The following PLCL1 variants were observed in gnomAD, a reference collection of about 807,000 sequenced individuals.
PLCL1 encodes phospholipase C like 1 (inactive).
PLCL1 carries 41 observed loss-of-function variants against 84.4 expected under a neutral mutation model. The observed-to-expected ratio is 0.49, with a 90% confidence interval of 0.38 to 0.63. The LOEUF (loss-of-function observed/expected upper bound fraction) is 0.63, where lower values mean the gene tolerates loss of function less well. PLCL1 is among the 30% of genes least tolerant of loss of function. The pLI is 0.00. For synonymous variants in PLCL1, 490 were observed against 488.3 expected (o/e 1.00, Z -0.05); for missense variants, 1,206 against 1,367.8 (o/e 0.88, Z 1.87).
rs1692594641 is a variant in PLCL1, at chr2:198,077,146, G to A, written c.241-6612G>A. The stretch of plus-strand genomic sequence containing the variant: ...GTATATGGTAGTAGCCATCCTGGCT[G>A]TCTTTCCCACTGAAGGACTTTTGTT... On this transcript the variant is annotated intron_variant, in intron 1 of 5. Coordinates refer to ENST00000428675, the MANE Select transcript of PLCL1 (RefSeq NM_006226.4). Among the ~76,000 whole-genome samples, 2 of 152,098 alleles carry A rather than the reference G, an allele frequency of 1.3e-5. 1 individual carries two copies. Among genetic ancestry groups the A allele is most frequent in the African/African-American group, 4.8e-5 (2 of 41,420 alleles).
chr2:198,025,289 A>G (rs1691238753), intron 1 of PLCL1, among the ~76,000 whole-genome samples: 1 of 152,096 alleles, frequency 6.6e-6, no homozygotes, highest in African/African-American at 2.4e-5. Flanking sequence ...ACATGCATAT[A>G]TAAGATAATA....
intron 1 of PLCL1, among the ~76,000 whole-genome samples, chr2:197,830,760 G>A (rs896101701): frequency 1.3e-5 from 2 of 152,040 alleles, no homozygotes; most frequent in Admixed American, 1.3e-4. Flanking sequence ...AAATGTTAAG[G>A]GCAGATAGAG....
At chr2:197,991,851 G>A (rs998869588) in intron 1 of PLCL1, among the ~76,000 whole-genome samples, 28 of 152,224 alleles carry the variant, frequency 1.8e-4, no homozygotes, top group East Asian at 1.9e-4. Flanking sequence ...AGTGAGGAGA[G>A]GTTGGAGCTG....
intron 1 of PLCL1, among the ~76,000 whole-genome samples, chr2:198,032,531 A>G (rs1311941761): frequency 6.6e-6 from 1 of 152,202 alleles, no homozygotes; most frequent in Non-Finnish European, 1.5e-5. Flanking sequence ...TTTGCTAAGC[A>G]TCAGGTGAAC....
At chr2:198,145,766 A>G (rs1470321602) in intron 5 of PLCL1, among the ~76,000 whole-genome samples, 1 of 152,226 alleles carries the variant, frequency 6.6e-6, no homozygotes, top group African/African-American at 2.4e-5. Flanking sequence ...CATACACCCT[A>G]AGGAAAAAGC....
At chr2:197,942,421 T>A (rs989829545) in intron 1 of PLCL1, among the ~76,000 whole-genome samples, 1 of 152,194 alleles carries the variant, frequency 6.6e-6, no homozygotes, top group African/African-American at 2.4e-5. Context: ...GAAAGAATGA[T>A]TTATTTCTTC....
intron 5 of PLCL1, among the ~76,000 whole-genome samples, chr2:198,122,856 T>C (rs7557783): frequency 0.039 from 5,887 of 152,208 alleles, 308 homozygotes; most frequent in African/African-American, 0.12. Context: ...TTTGTACTTA[T>C]TAAATCAGTA....
At chr2:197,964,035 T>C (rs1689675992) in intron 1 of PLCL1, among the ~76,000 whole-genome samples, 1 of 152,158 alleles carries the variant, frequency 6.6e-6, no homozygotes, top group Non-Finnish European at 1.5e-5. Context: ...TCGGATAATG[T>C]AATTTGTCTA....
chr2:197,878,275 T>C (rs982946625), intron 1 of PLCL1, among the ~76,000 whole-genome samples: 3 of 152,136 alleles, frequency 2.0e-5, no homozygotes, highest in Admixed American at 6.6e-5. Context: ...TGTTTATTTT[T>C]CTTTAGTTAT....
intron 5 of PLCL1, among the ~76,000 whole-genome samples, chr2:198,138,166 AG>A (rs1352616887): frequency 6.6e-6 from 1 of 152,156 alleles, no homozygotes; most frequent in Non-Finnish European, 1.5e-5. Flanking sequence ...TAAAGAAAAG[AG>A]GTTTTTTTGT....
intron 1 of PLCL1, among the ~76,000 whole-genome samples, chr2:197,919,007 A>G (rs972701672): frequency 6.6e-6 from 1 of 151,796 alleles, no homozygotes; most frequent in Admixed American, 6.6e-5. Context: ...TAAAATAATG[A>G]CTCACATACA....
chr2:198,053,753 G>A (rs1691996588), intron 1 of PLCL1, among the ~76,000 whole-genome samples: 1 of 152,220 alleles, frequency 6.6e-6, no homozygotes, highest in African/African-American at 2.4e-5. Context: ...GAGAAAGAGA[G>A]CAGTAACCTA....
At position 198,147,165 on chromosome 2, in the gene PLCL1, G is replaced by T; in HGVS notation, c.*203G>T. ...TTAGTATCAGTGTTTTAAATTCTGA[G>T]ACATGTGTCAACACCCCTGTGTGGA... is the stretch of plus-strand genomic sequence containing the variant. On this transcript the variant is annotated 3_prime_UTR_variant, in exon 6 of 6. Transcript: ENST00000428675. The T allele has an allele frequency of 6.6e-6, 3 of 452,004 alleles. No individual in the cohort carries two copies. Among genetic ancestry groups the T allele is most frequent in the Non-Finnish European group, 1.2e-5 (3 of 253,256 alleles). The allele number at this position is 452,004 out of a possible 1,614,324, so 28.0% of individuals were successfully genotyped here.
chr2:197,869,516 G>A (rs937179907), intron 1 of PLCL1, among the ~76,000 whole-genome samples: 1 of 151,994 alleles, frequency 6.6e-6, no homozygotes, highest in Non-Finnish European at 1.5e-5. Flanking sequence ...GTTGATGTTC[G>A]ACTCATGCAG....
chr2:198,084,976 C>T lies in PLCL1; in HGVS notation c.1459C>T (p.Leu487Phe). 6.2e-7 allele frequency: 1 copy of T among 1,614,050 alleles called. No homozygotes were observed. Among genetic ancestry groups the T allele is most frequent in the Non-Finnish European group, 8.5e-7 (1 of 1,179,982 alleles). The change falls in exon 2 of 6, where the codon CTC (leucine) becomes TTC (phenylalanine). Residue 487 changes from leucine to phenylalanine, a missense_variant. By Grantham distance (22) the Leu-to-Phe change is conservative (BLOSUM62 0). Coordinates refer to ENST00000428675, the MANE Select transcript of PLCL1 (RefSeq NM_006226.4). ...KFAFVASEYP[L>F]ILCLGNHCSL... is the part of the protein sequence containing the mutation. ...TGCCTTTGTTGCTTCTGAATACCCA[C>T]TCATTCTTTGCTTGGGAAATCACTG...
intron 1 of PLCL1, among the ~76,000 whole-genome samples, chr2:198,015,687 T>C (rs1690979588): frequency 6.6e-6 from 1 of 152,058 alleles, no homozygotes; most frequent in Admixed American, 6.6e-5. Context: ...AGTTAACAAA[T>C]GGATAAAAAT....
intron 1 of PLCL1, among the ~76,000 whole-genome samples, chr2:198,079,004 CT>C (rs1409689816): frequency 6.6e-6 from 1 of 151,876 alleles, no homozygotes; most frequent in African/African-American, 2.4e-5. Context: ...TTTCAGTATA[CT>C]TTTTCCTGAA....
In PLCL1 at chr2:197,978,423, A is replaced by T. The variant is rs181137658; in HGVS notation, c.241-105335A>T. On this transcript the variant is annotated intron_variant, in intron 1 of 5. Transcript: ENST00000428675. ...ACCCGGGAGGCAGAGCTTGCAAGTG[A>T]GCCGAGATGGCGGCACTGCACTCCA... Among the ~76,000 whole-genome samples, 29 of 152,356 alleles carry T rather than the reference A, an allele frequency of 1.9e-4. No individual in the cohort carries two copies. The East Asian group carries it at 5.2e-3, about 27-fold the overall frequency.
In PLCL1 at chr2:197,840,299, G is replaced by T. The variant is rs552706900; in HGVS notation, c.240+34960G>T. On this transcript the variant is annotated intron_variant, in intron 1 of 5. Transcript: ENST00000428675. ...ACTTTTCCCCTGTCTGGTCAGGAAG[G>T]CACTTCATCATTAGAGATTTTGTAA... Among the ~76,000 whole-genome samples the T allele has an allele frequency of 1.6e-3, 249 of 151,534 alleles. 1 individual carries two copies. Among genetic ancestry groups the T allele is most frequent in the Non-Finnish European group, 2.1e-3 (140 of 67,952 alleles).
Sources: allele counts gnomAD v4.1 joint callset (sites outside exome capture counted in the v4.1 genomes callset), GRCh38; gene constraint gnomAD v4.1.1; transcripts MANE v1.5; gene names NCBI Gene and HGNC (gene_info 2026-07-23, HGNC 2026-07-21).